Variants in CTPS1 observed in about 807,000 individuals in gnomAD.
CTPS1 encodes the protein CTP synthetase 1.
In CTPS1, 25 loss-of-function variants were observed where a neutral mutation model predicts 80.5. The observed-to-expected ratio is 0.31, with a 90% confidence interval of 0.23 to 0.43. The LOEUF is 0.43. Among genes scored for constraint, CTPS1 ranks in the 20% least tolerant of loss-of-function variants. The pLI is 1.00. For synonymous variants in CTPS1, 267 were observed against 252.5 expected, an observed-to-expected ratio of 1.06 and a Z score of -0.54; for missense variants, 442 against 725.7, an observed-to-expected ratio of 0.61 and a Z score of 4.49.
Position 40,995,904 on chromosome 1 carries a change from T to G in CTPS1, c.721-13T>G. On this transcript the variant is annotated splice_polypyrimidine_tract_variant and intron_variant, in intron 7 of 18. Transcript: ENST00000650070. ...TTTTGCTTTTATTTAATAACTTGCT[T>G]TTTTCTAAACAGGTGATCTGTGTCC... 1.9e-6 allele frequency: 3 copies of G among 1,605,482 alleles called. No homozygotes were observed. Among genetic ancestry groups the G allele is most frequent in the Non-Finnish European group, 1.7e-6 (2 of 1,174,478 alleles).
intron 4 of CTPS1, among the ~76,000 whole-genome samples, chr1:40,988,320 A>G (rs1642511673): frequency 6.7e-6 from 1 of 150,302 alleles, no homozygotes; most frequent in African/African-American, 2.5e-5. Flanking sequence ...TAGAGATAAC[A>G]TTCCTGGCAC....
intron 1 of CTPS1, among the ~76,000 whole-genome samples, chr1:40,981,441 G>T (rs1651893155): frequency 6.6e-6 from 1 of 152,210 alleles, no homozygotes; most frequent in South Asian, 2.1e-4. Context: ...TCACTCGGTG[G>T]CAGAGGAATT....
chr1:41,011,472 G>C (rs1458689751), intron 18 of CTPS1, among the ~76,000 whole-genome samples, 186 bp from the exon 19 acceptor site: 1 of 152,182 alleles, frequency 6.6e-6, no homozygotes, highest in African/African-American at 2.4e-5. Flanking sequence ...GTCGATGTGT[G>C]AGGTCTTGAA....
In CTPS1 at chr1:41,001,136, C is replaced by G; in HGVS notation, c.1094+19C>G. ...GTGCTCAGTGAGTAGAGTTCGCTGC[C>G]TTGGGTTTCCAGAGTTCTTTTGGTT... On this transcript the variant is annotated intron_variant, in intron 10 of 18. Coordinates refer to ENST00000650070, the MANE Select transcript of CTPS1 (RefSeq NM_001905.4). The G allele has an allele frequency of 6.4e-7, 1 of 1,571,464 alleles. No individual in the cohort carries two copies. Among genetic ancestry groups the G allele is most frequent in the Non-Finnish European group, 8.6e-7 (1 of 1,156,436 alleles).
chr1:40,983,619 C>CTTTTTTTT (rs56179408), intron 2 of CTPS1, among the ~76,000 whole-genome samples, 163 bp downstream of exon 2: 5 of 140,310 alleles, frequency 3.6e-5, no homozygotes, highest in Non-Finnish European at 4.6e-5. Context: ...AAGCAGAATT[C>CTTTTTTTT]TTTTTTTTTT....
chr1:40,992,900 G>A (rs1026447625), intron 7 of CTPS1, among the ~76,000 whole-genome samples: 6 of 151,818 alleles, frequency 4.0e-5, no homozygotes, highest in African/African-American at 1.5e-4. Flanking sequence ...CATTATGTTG[G>A]CCAGGCTGGT....
chr1:41,001,746 C>A (rs1203078642), intron 10 of CTPS1, among the ~76,000 whole-genome samples: 8 of 152,014 alleles, frequency 5.3e-5, no homozygotes, highest in Non-Finnish European at 1.0e-4. Flanking sequence ...CCTGTTTCTA[C>A]AACAAAAACA....
intron 18 of CTPS1, among the ~76,000 whole-genome samples, chr1:41,011,382 C>A (rs529701527): frequency 6.6e-6 from 1 of 152,168 alleles, no homozygotes; most frequent in Non-Finnish European, 1.5e-5. Flanking sequence ...CTGACTGCCT[C>A]GCAAGTGGAG....
At chr1:40,993,774 C>CTTTTTTTTTTTTTTTTTTTTTTTTTTT (rs71278720) in intron 7 of CTPS1, among the ~76,000 whole-genome samples, 2 of 85,772 alleles carry the variant, frequency 2.3e-5, no homozygotes, top group Non-Finnish European at 4.5e-5. Flanking sequence ...TTTCTTCTCT[C>CTTTTTTTTTTTTTTTTTTTTTTTTTTT]TTTTTTTTTT....
chr1:40,994,136 C>T (rs1195860720), intron 7 of CTPS1, among the ~76,000 whole-genome samples: 1 of 151,902 alleles, frequency 6.6e-6, no homozygotes, highest in Non-Finnish European at 1.5e-5. Context: ...CGATGAAGTC[C>T]AATCTGTTTT....
At chr1:41,000,919 C>A in intron 9 of CTPS1, 110 bp from the exon 10 acceptor site, 1 of 610,086 alleles carries the variant, frequency 1.6e-6, no homozygotes, top group Non-Finnish European at 2.7e-6. Context: ...CACTTTAAAG[C>A]CAGAATCAAG....
chr1:41,010,870 A>C (rs1306533188), intron 18 of CTPS1, among the ~76,000 whole-genome samples: 2 of 152,256 alleles, frequency 1.3e-5, no homozygotes, highest in Non-Finnish European at 2.9e-5. Context: ...GGGCACTGCC[A>C]CGAAATGTAA....
intron 7 of CTPS1, among the ~76,000 whole-genome samples, chr1:40,992,775 C>T (rs948970691): frequency 6.7e-6 from 1 of 150,292 alleles, no homozygotes; most frequent in African/African-American, 2.5e-5. Context: ...CTCACTGTGA[C>T]CTCCACCTCC....
intron 16 of CTPS1, 22 bp downstream of exon 16, chr1:41,008,912 T>C: frequency 6.3e-7 from 1 of 1,582,624 alleles, no homozygotes; most frequent in South Asian, 1.1e-5. Flanking sequence ...GGCAGTTTTA[T>C]TTAATGGAAA....
At chr1:40,994,130 G>A (rs1642693208) in intron 7 of CTPS1, among the ~76,000 whole-genome samples, 2 of 151,974 alleles carry the variant, frequency 1.3e-5, no homozygotes, top group Non-Finnish European at 2.9e-5. Flanking sequence ...AAATTTCGAT[G>A]AAGTCCAATC....
chr1:40,985,956 G>A (rs1345548338), intron 3 of CTPS1, among the ~76,000 whole-genome samples: 1 of 152,154 alleles, frequency 6.6e-6, no homozygotes, highest in Non-Finnish European at 1.5e-5. Flanking sequence ...ACATAGAAAG[G>A]AATCAGTTAG....
intron 14 of CTPS1, among the ~76,000 whole-genome samples, 165 bp from the exon 15 acceptor site, chr1:41,008,494 A>C (rs565181191): frequency 1.2e-4 from 19 of 152,216 alleles, no homozygotes; most frequent in Non-Finnish European, 2.5e-4. Flanking sequence ...GAATTAGTCT[A>C]AACTGTGTTG....
chr1:40,988,760 G>A (rs1360073483), intron 5 of CTPS1, 50 bp downstream of exon 5: 3 of 1,229,958 alleles, frequency 2.4e-6, no homozygotes, highest in African/African-American at 1.5e-5. Context: ...AGAGGAGGGA[G>A]GAAAGGTAAA....
intron 11 of CTPS1, among the ~76,000 whole-genome samples, chr1:41,002,732 A>C (rs1642933135): frequency 6.6e-6 from 1 of 152,168 alleles, no homozygotes; most frequent in African/African-American, 2.4e-5. Context: ...TGTAAACCCA[A>C]CACTTGTGGA....
Sources: gnomAD v4.1 joint callset for allele counts (sites outside exome capture counted in the v4.1 genomes callset) on GRCh38, gnomAD v4.1.1 for gene constraint, MANE v1.5 for transcripts, NCBI Gene and HGNC (gene_info 2026-07-23, HGNC 2026-07-21) for gene names.